C11orf65: variants seen among roughly 807,000 people sequenced by gnomAD.
C11orf65 encodes protein MFI.
In C11orf65, 38 loss-of-function variants were observed where a neutral mutation model predicts 35.3. That is an observed-to-expected ratio of 1.08 (90% CI 0.83 to 1.41). The LOEUF is 1.41. C11orf65 is among the 40% of genes most tolerant of loss of function. The pLI is 0.00. For missense variants in C11orf65, 370 were observed against 367.1 expected (o/e 1.01, Z -0.06); for synonymous variants, 105 against 114.4 (o/e 0.92, Z 0.53).
At chr11:108,451,341 C>T (rs1343687220) in intron 2 of C11orf65, among the ~76,000 whole-genome samples, 1 of 151,942 alleles carries the variant, frequency 6.6e-6, no homozygotes, top group Non-Finnish European at 1.5e-5. Flanking sequence ...GCAAAAATCA[C>T]AAGCATTCCT....
intron 2 of C11orf65, among the ~76,000 whole-genome samples, chr11:108,350,349 A>G (rs1197821381): frequency 6.6e-6 from 1 of 152,208 alleles, no homozygotes; most frequent in Non-Finnish European, 1.5e-5. Flanking sequence ...GGGAAAGAAG[A>G]GGGCTAATAA....
intron 7 of C11orf65, among the ~76,000 whole-genome samples, chr11:108,387,415 A>G (rs1267647176): frequency 6.6e-6 from 1 of 151,958 alleles, no homozygotes; most frequent in Non-Finnish European, 1.5e-5. Flanking sequence ...TCGGCCTCCC[A>G]AAGTGACACT....
intron 2 of C11orf65, among the ~76,000 whole-genome samples, chr11:108,376,666 G>A (rs954644150): frequency 1.3e-4 from 19 of 151,742 alleles, no homozygotes; most frequent in South Asian, 6.2e-4. Flanking sequence ...ACAAAAAACC[G>A]TTCAAAAAAT....
At chr11:108,450,819 C>T (rs183739044) in intron 2 of C11orf65, among the ~76,000 whole-genome samples, 7 of 151,828 alleles carry the variant, frequency 4.6e-5, no homozygotes, top group Admixed American at 2.0e-4. Context: ...ATGATCAAGT[C>T]GGCTTCATCC....
At chr11:108,380,432 A>G (rs540178946), downstream of C11orf65, among the ~76,000 whole-genome samples, 23 of 152,246 alleles carry the variant, frequency 1.5e-4, no homozygotes, top group African/African-American at 5.3e-4. Context: ...GGGAAATGTC[A>G]TAACAATTGA....
chr11:108,454,476 TTAGTAG>T (rs1216544033), intron 2 of C11orf65, among the ~76,000 whole-genome samples: 1 of 152,076 alleles, frequency 6.6e-6, no homozygotes, highest in African/African-American at 2.4e-5. Flanking sequence ...TTTTGTATTT[TTAGTAG>T]AGACGAGGTT....
rs1385625521 is a variant in C11orf65, at chr11:108,325,434, A to C, written c.641-16363T>G. Reference sequence around the variant, plus strand: ...GGCTCTACGCACAGTCATTTTGGAGATCCTGATGGAAAAGGAAATGGACAA... The same window carrying C: ...GGCTCTACGCACAGTCATTTTGGAGCTCCTGATGGAAAAGGAAATGGACAA... On this transcript the variant is annotated intron_variant, in intron 6 of 6. Coordinates refer to the C11orf65 transcript ENST00000525729. 1 of 1,613,686 alleles carries C rather than the reference A, an allele frequency of 6.2e-7. No homozygotes were observed. The highest frequency in any genetic ancestry group is 1.1e-5 in the South Asian group (1 of 91,068).
Position 108,334,081 on chromosome 11 carries a change from CAT to C in C11orf65, c.299+1137_299+1138del, listed in dbSNP as rs4988128. ...AAATTGGTTAAATATTGGCAAATTT[CAT>C]ATGTTTCAACCTATAATTTCTCAGT... On this transcript the variant is annotated intron_variant, in intron 3 of 3. Transcript: ENST00000524755. 8.5e-4 allele frequency: 677 copies of C among 799,872 alleles called. 3 individuals carry two copies. The African/African-American group carries it at 0.01, about 12-fold the overall frequency. 49.5% of individuals were successfully genotyped at this position (799,872 alleles called of 1,614,324 possible).
At chr11:108,461,911 G>A (rs1003763265) in intron 1 of C11orf65, among the ~76,000 whole-genome samples, 11 of 151,950 alleles carry the variant, frequency 7.2e-5, no homozygotes, top group Middle Eastern at 6.8e-3. Context: ...GTGAGCCACC[G>A]CGCCCAGCCT....
At chr11:108,420,778 A>C (rs1381589376) in intron 3 of C11orf65, among the ~76,000 whole-genome samples, 1 of 151,942 alleles carries the variant, frequency 6.6e-6, no homozygotes, top group African/African-American at 2.4e-5. Flanking sequence ...TTTTAATTTA[A>C]TTTTTTATTT....
Position 108,406,886 on chromosome 11 carries a change from T to C in C11orf65, c.306A>G (p.Arg102=), listed in dbSNP as rs141951296. The C allele has an allele frequency of 3.2e-4, 524 of 1,612,818 alleles. No individual in the cohort carries two copies. Among genetic ancestry groups the C allele is most frequent in the Non-Finnish European group, 4.2e-4 (491 of 1,179,062 alleles). ...GCTTTGCTGGAAGTTTTGCATAATT[T>C]CTAGGGCTGTTAGCACAGAGATCTT... ...PIEDLCANSP[R]NYAKLPAKHT... Residue 102 remains arginine, a synonymous_variant, in exon 5 of 9, where the codon AGA becomes AGG. Coordinates refer to ENST00000393084, the MANE Select transcript of C11orf65 (RefSeq NM_152587.5).
At chr11:108,439,625 T>C (rs1166416546) in intron 2 of C11orf65, among the ~76,000 whole-genome samples, 1 of 152,232 alleles carries the variant, frequency 6.6e-6, no homozygotes, top group African/African-American at 2.4e-5. Context: ...AGATATATAA[T>C]GGAATATTAT....
At position 108,365,351 on chromosome 11, in the gene C11orf65, T is replaced by C. The variant is rs876659968; in HGVS notation, c.226+27857A>G. 6.2e-7 allele frequency: 1 copy of C among 1,614,158 alleles called. No homozygotes were observed. The highest frequency in any genetic ancestry group is 8.5e-7 in the Non-Finnish European group (1 of 1,180,020). ...GATATTGACCAGAGTTTCAACAAAG[T>C]AGCTGAACGTGTCTTAATGAGACTA... On this transcript the variant is annotated intron_variant, in intron 2 of 3. Transcript: ENST00000524755.
At chr11:108,342,093 G>C (rs1305745370) in intron 2 of C11orf65, among the ~76,000 whole-genome samples, 2 of 151,156 alleles carry the variant, frequency 1.3e-5, no homozygotes, top group East Asian at 3.9e-4. Flanking sequence ...TTTTTTTGCA[G>C]TTTTTTTTTC....
chr11:108,321,736 C>T (rs1474393543), intron 6 of C11orf65, among the ~76,000 whole-genome samples: 1 of 151,040 alleles, frequency 6.6e-6, no homozygotes, highest in Non-Finnish European at 1.5e-5. Context: ...TGTGGTGAGC[C>T]GAGATTGCGC....
Position 108,343,452 on chromosome 11 carries a change from AT to A in C11orf65, c.227-8161del. 3.9e-6 allele frequency: 6 copies of A among 1,543,210 alleles called. No homozygotes were observed. The South Asian group carries it at 7.0e-5, about 18-fold the overall frequency. Reference sequence around the variant, plus strand: ...GCTGACAGCTGTCAGATATTATAGAATACAAAAAAACTTTAATTTCATCAGG... The same window carrying A: ...GCTGACAGCTGTCAGATATTATAGAAACAAAAAAACTTTAATTTCATCAGG... On this transcript the variant is annotated intron_variant, in intron 2 of 3. Coordinates refer to the C11orf65 transcript ENST00000524755.
intron 1 of C11orf65, among the ~76,000 whole-genome samples, chr11:108,466,147 C>T (rs950753206): frequency 1.3e-5 from 2 of 152,112 alleles, no homozygotes; most frequent in Middle Eastern, 3.2e-3. Flanking sequence ...TAAGAGGACA[C>T]CATCTGGAGC....
In C11orf65 at chr11:108,331,988, G is replaced by A. The variant is rs761790685; in HGVS notation, c.300-421C>T. ...CTGACTAAACCAGAGGTAGCCAGAA[G>A]AAGCAGAATAACTAAAAATGTGCCT... On this transcript the variant is annotated intron_variant, in intron 3 of 3. Coordinates refer to the C11orf65 transcript ENST00000524755. 2.5e-6 allele frequency: 4 copies of A among 1,614,038 alleles called. No individual in the cohort carries two copies. In the East Asian group the frequency reaches 8.9e-5, roughly 36 times the overall value.
chr11:108,355,109 T>C (rs1327319490), intron 2 of C11orf65: 2 of 529,992 alleles, frequency 3.8e-6, no homozygotes, highest in East Asian at 6.3e-5. Flanking sequence ...GTAAGTAGTC[T>C]CTAGTTTTCA....
Sources: gnomAD v4.1 joint callset for allele counts (sites outside exome capture counted in the v4.1 genomes callset) on GRCh38, gnomAD v4.1.1 for gene constraint, MANE v1.5 for transcripts, NCBI Gene and HGNC (gene_info 2026-07-23, HGNC 2026-07-21) for gene names.